DIAPH3: variants seen among roughly 807,000 people sequenced by gnomAD.
DIAPH3 encodes the protein diaphanous related formin 3.
Under a neutral mutation model 144.3 loss-of-function variants are expected in DIAPH3, and 117 were observed. The observed-to-expected ratio is 0.81, with a 90% CI of 0.70 to 0.95. The LOEUF (loss-of-function observed/expected upper bound fraction) is 0.95. Ranked by LOEUF, DIAPH3 falls within the 40% of genes least tolerant of loss-of-function variation. The probability of loss-of-function intolerance (pLI) is 0.00; values close to 1 mark genes in which losing one functional copy is unlikely to be tolerated. For synonymous variants in DIAPH3, 519 were observed against 488.9 expected (o/e 1.06, Z -0.81); for missense variants, 1,421 against 1,412.7 (o/e 1.01, Z -0.09).
At chr13:60,143,364 A>G (rs527590611) in intron 1 of DIAPH3, among the ~76,000 whole-genome samples, 13 of 152,284 alleles carry the variant, frequency 8.5e-5, no homozygotes, top group African/African-American at 3.1e-4. Context: ...GATACCAATC[A>G]TCTGTGTGAT....
intron 27 of DIAPH3, among the ~76,000 whole-genome samples, chr13:59,746,349 G>C (rs1255519789): frequency 1.3e-5 from 2 of 151,636 alleles, no homozygotes; most frequent in Non-Finnish European, 2.9e-5. Flanking sequence ...TCAGCCTCCC[G>C]AGTAGCTGAG....
intron 25 of DIAPH3, among the ~76,000 whole-genome samples, chr13:59,806,518 C>T (rs1304968028): frequency 6.6e-6 from 1 of 151,906 alleles, no homozygotes; most frequent in Non-Finnish European, 1.5e-5. Flanking sequence ...CTAATAGTCT[C>T]CTTAGTTCTC....
At chr13:60,004,216 A>C (rs2052715829) in intron 9 of DIAPH3, among the ~76,000 whole-genome samples, 1 of 152,210 alleles carries the variant, frequency 6.6e-6, no homozygotes, top group Non-Finnish European at 1.5e-5. Context: ...TGCTAATGTC[A>C]TCTAGTTTAG....
At chr13:59,811,997 A>T (rs1452311101) in intron 24 of DIAPH3, among the ~76,000 whole-genome samples, 2 of 152,116 alleles carry the variant, frequency 1.3e-5, no homozygotes, top group African/African-American at 4.8e-5. Flanking sequence ...GAAACCAAAC[A>T]GGTTAACACA....
rs759794947 is a variant in DIAPH3, at chr13:59,716,545, T to C, written c.3320-49699A>G. Among the ~76,000 whole-genome samples the C allele has an allele frequency of 1.2e-4, 19 of 152,208 alleles. 1 individual carries two copies. The highest frequency in any genetic ancestry group is 6.3e-3 in the Middle Eastern group (2 of 316). Reference sequence around the variant, plus strand: ...GCAACAAAAATACAGGTACCTCTCATGGAGACATGCTCTGTGCCAGGCAAT... The same window carrying C: ...GCAACAAAAATACAGGTACCTCTCACGGAGACATGCTCTGTGCCAGGCAAT... On this transcript the variant is annotated intron_variant, in intron 27 of 27. Coordinates refer to ENST00000400324, the MANE Select transcript of DIAPH3 (RefSeq NM_001042517.2).
Position 59,725,349 on chromosome 13 carries a change from G to A in DIAPH3, c.3319+48840C>T, listed in dbSNP as rs962162409. Among the ~76,000 whole-genome samples, 15 of 152,142 alleles carry A rather than the reference G, an allele frequency of 9.9e-5. No individual in the cohort carries two copies. In the South Asian group the frequency reaches 2.9e-3, roughly 29 times the overall value. ...ATATGGGACTTCTTATTATCAAGAA[G>A]AAATAATAGAAGTAAACAGAAGCAA... On this transcript the variant is annotated intron_variant, in intron 27 of 27. Coordinates refer to ENST00000400324, the MANE Select transcript of DIAPH3 (RefSeq NM_001042517.2).
At chr13:59,975,617 C>G (rs962844660) in intron 14 of DIAPH3, among the ~76,000 whole-genome samples, 1 of 152,006 alleles carries the variant, frequency 6.6e-6, no homozygotes, top group African/African-American at 2.4e-5. Flanking sequence ...CATGCATTCT[C>G]TCTCCCCATA....
chr13:60,067,937 A>C (rs753589016), intron 4 of DIAPH3, among the ~76,000 whole-genome samples: 17 of 152,174 alleles, frequency 1.1e-4, no homozygotes, highest in Non-Finnish European at 2.5e-4. Context: ...ACACATATAC[A>C]CATAGAGAAT....
chr13:60,041,382 C>T (rs1594475165), intron 5 of DIAPH3, among the ~76,000 whole-genome samples: 1 of 152,188 alleles, frequency 6.6e-6, no homozygotes, highest in Admixed American at 6.5e-5. Flanking sequence ...AAGCCCTAGT[C>T]TCATGCCAAC....
intron 24 of DIAPH3, among the ~76,000 whole-genome samples, chr13:59,825,833 T>C (rs1217471689): frequency 6.6e-6 from 1 of 152,154 alleles, no homozygotes; most frequent in African/African-American, 2.4e-5. Context: ...ATAAATGTCT[T>C]CTTTTCAGAA....
chr13:59,815,546 C>T (rs992563779), intron 24 of DIAPH3, among the ~76,000 whole-genome samples: 2 of 152,052 alleles, frequency 1.3e-5, no homozygotes, highest in Non-Finnish European at 2.9e-5. Context: ...ACTCTCTATA[C>T]ATTTCTTTTG....
chr13:59,915,128 T>C (rs1387675220), intron 19 of DIAPH3, among the ~76,000 whole-genome samples: 1 of 152,116 alleles, frequency 6.6e-6, no homozygotes, highest in Non-Finnish European at 1.5e-5. Context: ...AAAAATTTTA[T>C]TTAAGGAAGT....
intron 27 of DIAPH3, among the ~76,000 whole-genome samples, chr13:59,769,841 A>G (rs1170332283): frequency 6.6e-6 from 1 of 152,138 alleles, no homozygotes; most frequent in Non-Finnish European, 1.5e-5. Context: ...ATTAAAATGC[A>G]TTAATAAATA....
intron 27 of DIAPH3, among the ~76,000 whole-genome samples, chr13:59,675,190 G>A (rs145714544): frequency 1.7e-4 from 26 of 151,922 alleles, no homozygotes; most frequent in Non-Finnish European, 3.7e-4. Flanking sequence ...CTTGGCCTTC[G>A]GAGTAGCTAG....
At chr13:60,129,374 T>C (rs1423084031) in intron 2 of DIAPH3, among the ~76,000 whole-genome samples, 2 of 152,220 alleles carry the variant, frequency 1.3e-5, no homozygotes, top group African/African-American at 4.8e-5. Context: ...AGAATGCTCA[T>C]ATTTATAGAA....
intron 1 of DIAPH3, among the ~76,000 whole-genome samples, chr13:60,157,226 TGCACCACC>T (rs1952076844): frequency 6.6e-6 from 1 of 152,064 alleles, no homozygotes; most frequent in African/African-American, 2.4e-5. Context: ...ATTACAGGCA[TGCACCACC>T]GTACCCAACC....
chr13:59,990,527 A>G (rs1441004604), intron 12 of DIAPH3, among the ~76,000 whole-genome samples: 2 of 151,960 alleles, frequency 1.3e-5, no homozygotes, highest in Admixed American at 6.6e-5. Flanking sequence ...TTTACTAAGC[A>G]TACACCATAT....
rs1004159525 is a variant in DIAPH3 at position 59,810,702 on chromosome 13, T to C, written c.3163+86A>G. The C allele has an allele frequency of 2.1e-4, 298 of 1,441,294 alleles. 4 individuals carry two copies. In the South Asian group the frequency reaches 3.2e-3, roughly 15 times the overall value. 89.3% of individuals were successfully genotyped at this position (1,441,294 alleles called of 1,614,324 possible). A position where few individuals can be genotyped will look rare whatever the true frequency, so the allele number is the denominator to read the frequency against. On this transcript the variant is annotated intron_variant, in intron 25 of 27. Transcript: ENST00000400324. ...AAACAAGTGGTTGTATTTTCCTTTT[T>C]CACTAAGTTCATTAATATACTAATA...
chr13:59,936,517 A>G (rs1306750141), intron 17 of DIAPH3, among the ~76,000 whole-genome samples: 2 of 152,206 alleles, frequency 1.3e-5, no homozygotes, highest in African/African-American at 4.8e-5. Flanking sequence ...CAAGCTGTGG[A>G]TTAGGGAGAA....
Sources: gnomAD v4.1 joint callset for allele counts (sites outside exome capture counted in the v4.1 genomes callset) on GRCh38, gnomAD v4.1.1 for gene constraint, MANE v1.5 for transcripts, NCBI Gene and HGNC (gene_info 2026-07-23, HGNC 2026-07-21) for gene names.